The following NXPE4 variants were observed in gnomAD, a reference collection of about 807,000 sequenced individuals.
NXPE4 encodes the protein NXPE family member 4.
Under a neutral mutation model 33.3 loss-of-function variants are expected in NXPE4, and 42 were observed. That is an observed-to-expected ratio of 1.26 (90% CI 0.98 to 1.63). The LOEUF (loss-of-function observed/expected upper bound fraction) is 1.63, where lower values mean the gene tolerates loss of function less well. Among genes scored for constraint, NXPE4 ranks in the 40% most tolerant of loss-of-function variants. The pLI is 0.00. For synonymous variants in NXPE4, 253 were observed against 234.9 expected, an observed-to-expected ratio of 1.08 and a Z score of -0.71; for missense variants, 709 against 647.6, an observed-to-expected ratio of 1.09 and a Z score of -1.03.
chr11:114,615,354 G>A, the NXPE4 span, among the ~76,000 whole-genome samples: 3 of 151,900 alleles, frequency 2.0e-5, no homozygotes, highest in Admixed American at 6.6e-5. Flanking sequence ...GTTTTGCCTC[G>A]TGGATAACCA....
the NXPE4 span, among the ~76,000 whole-genome samples, chr11:114,638,480 C>G: frequency 1.3e-5 from 2 of 152,042 alleles, no homozygotes; most frequent in Non-Finnish European, 2.9e-5. Context: ...AAGTCATTCT[C>G]CGTCCAACTT....
At chr11:114,614,676 G>C in the NXPE4 span, among the ~76,000 whole-genome samples, 1 of 151,682 alleles carries the variant, frequency 6.6e-6, no homozygotes, top group African/African-American at 2.4e-5. Context: ...CACTGGATAA[G>C]TGTTGCCTCG....
the NXPE4 span, among the ~76,000 whole-genome samples, chr11:114,603,444 A>G: frequency 1.2e-5 from 1 of 82,084 alleles, no homozygotes; most frequent in Non-Finnish European, 2.6e-5. Context: ...TCCTAGGTAA[A>G]TTCCATTACC....
chr11:114,669,960 G>A, the NXPE4 span, among the ~76,000 whole-genome samples: 13,981 of 152,032 alleles, frequency 0.092, 765 homozygotes, highest in Middle Eastern at 0.2. Flanking sequence ...AATGGGTTAA[G>A]AGCAAGCTGG....
chr11:114,574,553 T>C (rs1015241595), intron 5 of NXPE4, among the ~76,000 whole-genome samples: 7 of 152,058 alleles, frequency 4.6e-5, no homozygotes, highest in Non-Finnish European at 8.8e-5. Flanking sequence ...GAAAGATTAT[T>C]CAAGGCTACT....
the NXPE4 span, among the ~76,000 whole-genome samples, chr11:114,633,558 A>G: frequency 8.6e-5 from 13 of 151,284 alleles, no homozygotes; most frequent in Non-Finnish European, 1.9e-4. Context: ...TGTGTGCTGC[A>G]CCCATTGACT....
rs748352424 is a variant in NXPE4, at chr11:114,580,160, C to A, written c.1071G>T (p.Trp357Cys). ...YLMGDSTIRQ[W>C]MEYFKASINT... ...TGATACTGGCTTTGAAGTATTCCAT[C>A]CACTGGCGGATCGTGGAATCTCCCA... Residue 357 changes from tryptophan to cysteine, a missense_variant, in exon 5 of 6, where the codon TGG (tryptophan) becomes TGT (cysteine). Physicochemically the swap from Trp to Cys is radical, Grantham distance 215 (BLOSUM62 -2). Transcript: ENST00000375478. 4 of 1,614,016 alleles carry A rather than the reference C, an allele frequency of 2.5e-6. No homozygotes were observed. Among genetic ancestry groups the A allele is most frequent in the Non-Finnish European group, 3.4e-6 (4 of 1,179,912 alleles).
At chr11:114,623,383 A>G in the NXPE4 span, among the ~76,000 whole-genome samples, 2 of 151,942 alleles carry the variant, frequency 1.3e-5, no homozygotes, top group Non-Finnish European at 2.9e-5. Context: ...ACGTGGGATA[A>G]TAAGTATTGC....
intron 2 of NXPE4, chr11:114,583,913 T>C (rs1184456460): frequency 5.1e-6 from 2 of 393,958 alleles, no homozygotes; most frequent in African/African-American, 4.2e-5. Context: ...CAAAGGCAGA[T>C]ATTATGCTAT....
chr11:114,638,541 C>G, the NXPE4 span, among the ~76,000 whole-genome samples: 4 of 152,050 alleles, frequency 2.6e-5, no homozygotes, highest in African/African-American at 4.8e-5. Context: ...GAGAGGTGCT[C>G]TGCTTTTTAG....
chr11:114,601,396 TC>T, the NXPE4 span, among the ~76,000 whole-genome samples: 102 of 141,940 alleles, frequency 7.2e-4, no homozygotes, highest in Non-Finnish European at 1.3e-3. Context: ...TCCAGTTCCA[TC>T]CGTGTTGCTG....
At chr11:114,580,100 G>T in intron 5 of NXPE4, 32 bp downstream of exon 5, 1 of 1,534,790 alleles carries the variant, frequency 6.5e-7, no homozygotes, top group South Asian at 1.1e-5. Flanking sequence ...TTTCTGAAAG[G>T]GGTAAGAATT....
chr11:114,612,975 C>A, the NXPE4 span, among the ~76,000 whole-genome samples: 2 of 150,052 alleles, frequency 1.3e-5, no homozygotes, highest in Non-Finnish European at 3.0e-5. Context: ...TGTTGCCTTG[C>A]GAGTAACCAC....
At chr11:114,614,354 C>G in the NXPE4 span, among the ~76,000 whole-genome samples, 1 of 151,294 alleles carries the variant, frequency 6.6e-6, no homozygotes, top group Admixed American at 6.6e-5. Flanking sequence ...AGTGTTGCCT[C>G]TAGGGTAACC....
the NXPE4 span, among the ~76,000 whole-genome samples, chr11:114,626,663 C>A: frequency 6.6e-6 from 1 of 152,220 alleles, no homozygotes; most frequent in South Asian, 2.1e-4. Context: ...CAGAACAAAG[C>A]TGGACGGAGA....
the NXPE4 span, among the ~76,000 whole-genome samples, chr11:114,615,214 C>T: frequency 1.3e-5 from 2 of 149,126 alleles, no homozygotes; most frequent in Non-Finnish European, 3.0e-5. Flanking sequence ...CCGGTGGATA[C>T]TAAGTATCGC....
chr11:114,602,106 A>ACATATATTATAC, the NXPE4 span, among the ~76,000 whole-genome samples: 2 of 97,322 alleles, frequency 2.1e-5, no homozygotes, highest in African/African-American at 8.5e-5. Context: ...ATATATTATA[A>ACATATATTATAC]TATATATAAT....
the NXPE4 span, among the ~76,000 whole-genome samples, chr11:114,639,117 C>G: frequency 6.6e-6 from 1 of 152,078 alleles, no homozygotes; most frequent in Non-Finnish European, 1.5e-5. Flanking sequence ...TGGTGGGCTC[C>G]ACCCAGTTCG....
the NXPE4 span, among the ~76,000 whole-genome samples, chr11:114,662,161 G>T: frequency 3.3e-4 from 50 of 152,258 alleles, no homozygotes; most frequent in Middle Eastern, 3.4e-3. Context: ...ATCTTGAATT[G>T]CCAACACAAC....
Sources: gnomAD v4.1 joint callset for allele counts (sites outside exome capture counted in the v4.1 genomes callset) on GRCh38, gnomAD v4.1.1 for gene constraint, MANE v1.5 for transcripts, NCBI Gene and HGNC (gene_info 2026-07-23, HGNC 2026-07-21) for gene names.